TMEFF1: variants seen among roughly 807,000 people sequenced by gnomAD.
TMEFF1 encodes tomoregulin-1.
In TMEFF1, 20 loss-of-function variants were observed where a neutral mutation model predicts 47.5. That is an observed-to-expected ratio of 0.42 (90% CI 0.30 to 0.61). The LOEUF is 0.61. Among genes scored for constraint, TMEFF1 ranks in the 20% least tolerant of loss-of-function variants. The pLI is 0.19. For missense variants in TMEFF1, 411 were observed against 471.1 expected, an observed-to-expected ratio of 0.87 and a Z score of 1.18; for synonymous variants, 162 against 166.3, an observed-to-expected ratio of 0.97 and a Z score of 0.20.
At chr9:100,525,274 A>T (rs866376252) in intron 5 of TMEFF1, among the ~76,000 whole-genome samples, 2 of 152,180 alleles carry the variant, frequency 1.3e-5, no homozygotes, top group African/African-American at 4.8e-5. Context: ...TTAAGGACTC[A>T]GTCCCATAAG....
chr9:100,483,610 C>T (rs1335277752), intron 1 of TMEFF1, among the ~76,000 whole-genome samples: 1 of 152,210 alleles, frequency 6.6e-6, no homozygotes, highest in Non-Finnish European at 1.5e-5. Context: ...CTTGACTTCT[C>T]AGTCTCCATG....
intron 1 of TMEFF1, among the ~76,000 whole-genome samples, chr9:100,488,676 G>T (rs1244058084): frequency 2.0e-5 from 3 of 152,100 alleles, no homozygotes; most frequent in Admixed American, 6.5e-5. Context: ...TTTGAGATAG[G>T]TGCTGTTATT....
chr9:100,493,862 G>A (rs1337709169), intron 1 of TMEFF1, among the ~76,000 whole-genome samples: 1 of 152,128 alleles, frequency 6.6e-6, no homozygotes, highest in Non-Finnish European at 1.5e-5. Context: ...TTGGGTTTAA[G>A]CTAAGGCAGT....
intron 5 of TMEFF1, among the ~76,000 whole-genome samples, chr9:100,518,824 A>G (rs1201448417): frequency 2.0e-5 from 3 of 152,022 alleles, no homozygotes; most frequent in Non-Finnish European, 2.9e-5. Flanking sequence ...AGCACCTTCC[A>G]TGTGTTTTTC....
chr9:100,480,684 T>G (rs1381512267), intron 1 of TMEFF1, among the ~76,000 whole-genome samples: 2 of 152,190 alleles, frequency 1.3e-5, no homozygotes, highest in East Asian at 3.8e-4. Context: ...GAACTGTGTT[T>G]GGCAGACTTA....
intron 5 of TMEFF1, among the ~76,000 whole-genome samples, chr9:100,533,173 G>A (rs1838430649): frequency 6.6e-6 from 1 of 151,736 alleles, no homozygotes; most frequent in African/African-American, 2.4e-5. Context: ...CACCAGCATG[G>A]CACATGTATA....
At chr9:100,518,521 C>T in intron 5 of TMEFF1, 2 of 985,138 alleles carry the variant, frequency 2.0e-6, no homozygotes, top group Non-Finnish European at 2.4e-6. Flanking sequence ...AGCACATAGA[C>T]AGTGACAAGC....
At chr9:100,516,523 A>T in intron 4 of TMEFF1, 152 bp from the exon 5 acceptor site, 2 of 993,716 alleles carry the variant, frequency 2.0e-6, no homozygotes, top group South Asian at 3.7e-5. Context: ...AACATTTTTG[A>T]ACTTCAAGCA....
chr9:100,567,747 T>G (rs1839151581), intron 8 of TMEFF1, among the ~76,000 whole-genome samples: 2 of 152,162 alleles, frequency 1.3e-5, no homozygotes, highest in Non-Finnish European at 2.9e-5. Context: ...AACCTAGAAG[T>G]TAGTACTCTA....
At chr9:100,512,634 A>C (rs1012748295) in intron 3 of TMEFF1, among the ~76,000 whole-genome samples, 24 of 152,216 alleles carry the variant, frequency 1.6e-4, no homozygotes, top group African/African-American at 5.8e-4. Flanking sequence ...AGGATTATAG[A>C]ATAAATATTT....
Position 100,515,814 on chromosome 9 carries a change from A to C in TMEFF1, c.464-861A>C, listed in dbSNP as rs79091322. Among the ~76,000 whole-genome samples, 810 of 151,822 alleles carry C rather than the reference A, an allele frequency of 5.3e-3. 7 individuals carry two copies. The highest frequency in any genetic ancestry group is 0.018 in the African/African-American group (760 of 41,356). On this transcript the variant is annotated intron_variant, in intron 4 of 9. Coordinates refer to ENST00000374879, the MANE Select transcript of TMEFF1 (RefSeq NM_003692.5). ...CTCCGTCTGAAAAACAAACAAACAA[A>C]AAAAAAAGACACTCCCTGAATAGTA...
At chr9:100,525,542 C>T (rs1838239338) in intron 5 of TMEFF1, among the ~76,000 whole-genome samples, 1 of 152,008 alleles carries the variant, frequency 6.6e-6, no homozygotes, top group Admixed American at 6.6e-5. Flanking sequence ...GAGATGTGCT[C>T]CCTCACCGGA....
chr9:100,565,187 C>T (rs928479479), intron 8 of TMEFF1, among the ~76,000 whole-genome samples: 2 of 152,018 alleles, frequency 1.3e-5, no homozygotes, highest in Non-Finnish European at 2.9e-5. Flanking sequence ...AGAATCATTC[C>T]CTCTCTAGCA....
At position 100,532,140 on chromosome 9, in the gene TMEFF1, A is replaced by G. The variant is rs1010380379; in HGVS notation, c.560+15369A>G. Among the ~76,000 whole-genome samples the G allele has an allele frequency of 1.8e-3, 271 of 152,224 alleles. 1 individual carries two copies. Among genetic ancestry groups the G allele is most frequent in the Admixed American group, 3.5e-3 (53 of 15,286 alleles). On this transcript the variant is annotated intron_variant, in intron 5 of 9. Coordinates refer to ENST00000374879, the MANE Select transcript of TMEFF1 (RefSeq NM_003692.5). ...TTAGACCTAAAACCGTAAAAACCCT[A>G]GAAGAAAACCTAGGCATTACCATTC...
At chr9:100,572,725 T>C in intron 9 of TMEFF1, 49 bp downstream of exon 9, 2 of 1,547,232 alleles carry the variant, frequency 1.3e-6, no homozygotes, top group Non-Finnish European at 1.7e-6. Context: ...GGCAGGCAAC[T>C]GTTTATTTAT....
chr9:100,531,208 T>C (rs979803816), intron 5 of TMEFF1, among the ~76,000 whole-genome samples: 21 of 152,154 alleles, frequency 1.4e-4, no homozygotes, highest in African/African-American at 4.3e-4. Context: ...ACCACTCCTA[T>C]TCAACATAGT....
chr9:100,544,913 T>C (rs1298904753), intron 5 of TMEFF1, among the ~76,000 whole-genome samples: 1 of 152,230 alleles, frequency 6.6e-6, no homozygotes, highest in Non-Finnish European at 1.5e-5. Context: ...CTCCTTTGAC[T>C]CCACATCTTG....
At chr9:100,508,002 A>C (rs1180659031) in intron 2 of TMEFF1, among the ~76,000 whole-genome samples, 1 of 152,166 alleles carries the variant, frequency 6.6e-6, no homozygotes, top group Non-Finnish European at 1.5e-5. Context: ...GTGTAGTGGG[A>C]TGTCCACCTA....
rs1241990008 is a variant in TMEFF1, at chr9:100,532,288, A to G, written c.561-15456A>G. On this transcript the variant is annotated intron_variant, in intron 5 of 9. Coordinates refer to ENST00000374879, the MANE Select transcript of TMEFF1 (RefSeq NM_003692.5). ...CCTCTGCACAGCAAAAGAAACTACT[A>G]TCAGAGTGAACAGGCAACCTACAAA... 3.9e-5 allele frequency among the ~76,000 whole-genome samples: 6 copies of G among 152,312 alleles called. No individual in the cohort carries two copies. In the East Asian group the frequency reaches 7.7e-4, roughly 20 times the overall value.
Sources: allele counts gnomAD v4.1 joint callset (sites outside exome capture counted in the v4.1 genomes callset), GRCh38; gene constraint gnomAD v4.1.1; transcripts MANE v1.5; gene names NCBI Gene and HGNC (gene_info 2026-07-23, HGNC 2026-07-21).